Variants in GLIS3 observed in about 807,000 individuals in gnomAD.
GLIS3 encodes the protein zinc finger protein GLIS3.
In GLIS3, 53 loss-of-function variants were observed where a neutral mutation model predicts 78.6. That is an observed-to-expected ratio of 0.67 (90% CI 0.54 to 0.85). GLIS3 has a LOEUF of 0.85. Among genes scored for constraint, GLIS3 ranks in the 40% least tolerant of loss-of-function variants. GLIS3 has a pLI of 0.00. For synonymous variants in GLIS3, 684 were observed against 509.9 expected (o/e 1.34, Z -4.60); for missense variants, 1,703 against 1,231.1 (o/e 1.38, Z -5.74).
intron 7 of GLIS3, among the ~76,000 whole-genome samples, chr9:3,897,834 A>G (rs1012652572): frequency 6.6e-6 from 1 of 152,262 alleles, no homozygotes; most frequent in African/African-American, 2.4e-5. Flanking sequence ...TTCGAAAGAA[A>G]AAAACAGTCT....
At chr9:3,858,014 C>A (rs1423993437) in intron 8 of GLIS3, among the ~76,000 whole-genome samples, 1 of 152,074 alleles carries the variant, frequency 6.6e-6, no homozygotes, top group Non-Finnish European at 1.5e-5. Context: ...TTAAAGATCC[C>A]CAGAGATGGA....
intron 6 of GLIS3, among the ~76,000 whole-genome samples, chr9:3,926,738 T>G (rs376053454): frequency 6.6e-6 from 1 of 152,102 alleles, no homozygotes; most frequent in South Asian, 2.1e-4. Context: ...TTATCCTGCC[T>G]CAGCCTCCCA....
chr9:3,951,279 G>A (rs149456833), intron 4 of GLIS3, among the ~76,000 whole-genome samples: 18 of 151,000 alleles, frequency 1.2e-4, no homozygotes, highest in African/African-American at 3.5e-4. Flanking sequence ...CTGAAAAGAC[G>A]TGGTAGTAAA....
chr9:4,476,647 C>T, the GLIS3 span, among the ~76,000 whole-genome samples: 5 of 152,136 alleles, frequency 3.3e-5, no homozygotes, highest in Non-Finnish European at 7.4e-5. Context: ...CAGGCGTGAG[C>T]CACCATGCCC....
rs191697793 is a variant in GLIS3, at chr9:3,906,479, G to A, written c.1984-7644C>T. Among the ~76,000 whole-genome samples the A allele has an allele frequency of 4.0e-3, 608 of 152,254 alleles. 8 individuals are homozygous for A. The highest frequency in any genetic ancestry group is 7.4e-3 in the Non-Finnish European group (503 of 68,020). ...CAAGCATGGCCTTAAGTTTTGGCCCGAGGAACAGCAAAGGAGATCACAGAA... is the reference window on the plus strand; with the variant it reads ...CAAGCATGGCCTTAAGTTTTGGCCCAAGGAACAGCAAAGGAGATCACAGAA... On this transcript the variant is annotated intron_variant, in intron 6 of 10. Transcript: ENST00000381971.
At chr9:4,348,878 A>T (rs536424496), upstream of GLIS3, among the ~76,000 whole-genome samples, 4 of 152,200 alleles carry the variant, frequency 2.6e-5, no homozygotes, top group Non-Finnish European at 5.9e-5. Context: ...AATTATGTCT[A>T]TTGGCTTTGT....
the GLIS3 span, among the ~76,000 whole-genome samples, chr9:4,363,815 C>T: frequency 2.6e-5 from 4 of 152,176 alleles, no homozygotes; most frequent in African/African-American, 9.7e-5. Context: ...ACCCTTAGTA[C>T]CAGCTAAATA....
At chr9:3,836,145 T>C (rs1410852998) in intron 9 of GLIS3, among the ~76,000 whole-genome samples, 3 of 152,232 alleles carry the variant, frequency 2.0e-5, no homozygotes, top group African/African-American at 4.8e-5. Context: ...CCCACAGCTC[T>C]GCTGAGAACC....
the GLIS3 span, among the ~76,000 whole-genome samples, chr9:4,356,023 T>TA: frequency 6.7e-6 from 1 of 150,264 alleles, no homozygotes; most frequent in East Asian, 1.9e-4. Context: ...TCAGTAAAAT[T>TA]AGTTAGTCAA....
chr9:3,899,577 G>A (rs991026381), intron 6 of GLIS3, among the ~76,000 whole-genome samples: 12 of 151,990 alleles, frequency 7.9e-5, no homozygotes, highest in Admixed American at 5.9e-4. Context: ...CGTTCTGCTT[G>A]TACAAAAACA....
Position 4,070,879 on chromosome 9 carries a change from T to G in GLIS3, c.1710+46889A>C, listed in dbSNP as rs531454295. On this transcript the variant is annotated intron_variant, in intron 4 of 10. Transcript: ENST00000381971. ...AGCCTAGGTAAGACAGAAAAGAGCT[T>G]CTCAACACAGTAGCAAAATTAAAGC... 2.0e-5 allele frequency: 3 copies of G among 152,304 alleles called. No homozygotes were observed. In the East Asian group the frequency reaches 5.8e-4, roughly 29 times the overall value. The allele number at this position is 152,304 out of a possible 1,614,324, so 9.4% of individuals were successfully genotyped here.
the GLIS3 span, among the ~76,000 whole-genome samples, chr9:4,406,223 TA>T: frequency 6.6e-6 from 1 of 152,088 alleles, no homozygotes; most frequent in Non-Finnish European, 1.5e-5. Context: ...GTCCTAGATA[TA>T]GCAATCAGAT....
chr9:4,466,525 A>G, the GLIS3 span, among the ~76,000 whole-genome samples: 1 of 152,186 alleles, frequency 6.6e-6, no homozygotes, highest in Non-Finnish European at 1.5e-5. Flanking sequence ...CATAACATAG[A>G]TATAAAATTT....
chr9:3,913,767 T>C (rs1824304559), intron 6 of GLIS3, among the ~76,000 whole-genome samples: 1 of 152,214 alleles, frequency 6.6e-6, no homozygotes, highest in South Asian at 2.1e-4. Context: ...AATAGCTATT[T>C]AGAAATTATA....
At chr9:4,308,436 T>C (rs897131368) in intron 4 of GLIS3, among the ~76,000 whole-genome samples, 3 of 151,756 alleles carry the variant, frequency 2.0e-5, no homozygotes, top group African/African-American at 7.3e-5. Context: ...ACACAGAAGC[T>C]AGGGTGGCAA....
chr9:3,907,600 C>CACACA lies in GLIS3; in HGVS notation c.1984-8766_1984-8765insTGTGT, dbSNP rs1563836806. Among the ~76,000 whole-genome samples the CACACA allele has an allele frequency of 5.2e-3, 630 of 120,356 alleles. 8 individuals carry two copies. Among genetic ancestry groups the CACACA allele is most frequent in the East Asian group, 0.018 (70 of 3,910 alleles). 79.0% of individuals were successfully genotyped at this position (120,356 alleles called of 152,430 possible). A position where few individuals can be genotyped will look rare whatever the true frequency, so the allele number is the denominator to read the frequency against. On this transcript the variant is annotated intron_variant, in intron 6 of 10. Transcript: ENST00000381971. The stretch of plus-strand genomic sequence containing the variant: ...GAGCCAATGGCTAGCATCCTCCACC[C>CACACA]CCCAAACACACACACACACACACAG...
intron 4 of GLIS3, among the ~76,000 whole-genome samples, chr9:4,073,156 C>T (rs1480556161): frequency 1.3e-5 from 2 of 152,130 alleles, no homozygotes; most frequent in Admixed American, 6.5e-5. Context: ...CCTCAAACAC[C>T]CATCAACTGA....
At chr9:4,272,298 C>T (rs921195845) in intron 2 of GLIS3, among the ~76,000 whole-genome samples, 13 of 152,188 alleles carry the variant, frequency 8.5e-5, no homozygotes, top group Admixed American at 2.0e-4. Context: ...ATGCCAGACA[C>T]TACACCACCA....
chr9:4,244,801 C>G (rs1823646379), intron 2 of GLIS3, among the ~76,000 whole-genome samples: 1 of 152,100 alleles, frequency 6.6e-6, no homozygotes, highest in Admixed American at 6.6e-5. Context: ...GTCTCGAACT[C>G]CTGGCCTTAG....
Sources: allele counts gnomAD v4.1 joint callset (sites outside exome capture counted in the v4.1 genomes callset), GRCh38; gene constraint gnomAD v4.1.1; transcripts MANE v1.5; gene names NCBI Gene and HGNC (gene_info 2026-07-23, HGNC 2026-07-21).